The following GRIA3 variants were observed in gnomAD, a reference collection of about 807,000 sequenced individuals.
GRIA3 encodes the protein glutamate receptor 3.
GRIA3 carries 3 observed loss-of-function variants against 63.0 expected under a neutral mutation model. The observed-to-expected ratio is 0.05, with a 90% CI of 0.02 to 0.12. The LOEUF (loss-of-function observed/expected upper bound fraction) is 0.12. GRIA3 is among the 10% of genes least tolerant of loss of function. The probability of loss-of-function intolerance (pLI) is 1.00; values close to 1 mark genes in which losing one functional copy is unlikely to be tolerated. For synonymous variants in GRIA3, 274 were observed against 257.9 expected (o/e 1.06, Z -0.60); for missense variants, 347 against 700.9 (o/e 0.50, Z 5.70).
intron 3 of GRIA3, among the ~76,000 whole-genome samples, chrX:123,258,945 T>C (rs951509633): frequency 2.7e-5 from 3 of 112,494 alleles, no homozygotes; most frequent in Admixed American, 1.9e-4. Flanking sequence ...AGTGTTAGCT[T>C]GTGCTAGGCC....
intron 2 of GRIA3, among the ~76,000 whole-genome samples, chrX:123,188,769 C>T (rs1927345028): frequency 8.9e-6 from 1 of 111,963 alleles, no homozygotes; most frequent in Non-Finnish European, 1.9e-5. Context: ...ATCTTTCCTG[C>T]ACCCTCAATC....
intron 3 of GRIA3, among the ~76,000 whole-genome samples, chrX:123,268,818 G>A (rs1376375738): frequency 8.9e-6 from 1 of 111,810 alleles, no homozygotes; most frequent in Non-Finnish European, 1.9e-5. Flanking sequence ...TTTCTACCCT[G>A]TCTCAATTCT....
chrX:123,402,916 C>T, intron 7 of GRIA3, 78 bp from the exon 8 acceptor site: 1 of 555,810 alleles, frequency 1.8e-6, no homozygotes, highest in Non-Finnish European at 3.2e-6. Flanking sequence ...CAAGATCTGT[C>T]AGCAGACCTC....
At chrX:123,250,043 A>C (rs955464239) in intron 2 of GRIA3, among the ~76,000 whole-genome samples, 1 of 111,760 alleles carries the variant, frequency 8.9e-6, no homozygotes, top group Non-Finnish European at 1.9e-5. Context: ...AAATAATAAT[A>C]TATCGTTTAG....
chrX:123,187,562 T>C (rs1927313175), intron 2 of GRIA3, among the ~76,000 whole-genome samples: 1 of 112,201 alleles, frequency 8.9e-6, no homozygotes, highest in African/African-American at 3.2e-5. Context: ...AGAGGCTGAA[T>C]CTCAAATGCA....
chrX:123,236,441 AC>A (rs2044302378), intron 2 of GRIA3, among the ~76,000 whole-genome samples: 1 of 111,543 alleles, frequency 9.0e-6, no homozygotes, highest in East Asian at 2.8e-4. Flanking sequence ...GTGCACAGAA[AC>A]AAAAATCACA....
chrX:123,251,884 C>G (rs2044392526), intron 2 of GRIA3, among the ~76,000 whole-genome samples: 1 of 112,120 alleles, frequency 8.9e-6, no homozygotes, highest in Non-Finnish European at 1.9e-5. Flanking sequence ...TGGCTAATGA[C>G]TTTGGTTGAT....
intron 4 of GRIA3, among the ~76,000 whole-genome samples, chrX:123,327,264 G>A (rs929887562): frequency 8.9e-6 from 1 of 111,878 alleles, no homozygotes; most frequent in Non-Finnish European, 1.9e-5. Flanking sequence ...TTAAATTTAA[G>A]ACTAAAAAAT....
At chrX:123,414,121 G>A (rs749463502) in intron 10 of GRIA3, among the ~76,000 whole-genome samples, 1 of 112,081 alleles carries the variant, frequency 8.9e-6, no homozygotes, top group East Asian at 2.8e-4. Context: ...AAGTGGTGTT[G>A]ATATCAAGAC....
chrX:123,233,077 G>A (rs1295608267), intron 2 of GRIA3, among the ~76,000 whole-genome samples: 2 of 109,800 alleles, frequency 1.8e-5, no homozygotes, highest in Non-Finnish European at 3.8e-5. Flanking sequence ...TAAATATTTG[G>A]TGGAGTTGGA....
intron 5 of GRIA3, among the ~76,000 whole-genome samples, chrX:123,362,873 T>C (rs1443765327): frequency 1.8e-5 from 2 of 112,691 alleles, no homozygotes; most frequent in Non-Finnish European, 3.8e-5. Context: ...GGCTCGCCAT[T>C]GTAACAGCTA....
At chrX:123,280,874 T>C (rs1276482783) in intron 3 of GRIA3, among the ~76,000 whole-genome samples, 1 of 111,691 alleles carries the variant, frequency 9.0e-6, no homozygotes, top group Non-Finnish European at 1.9e-5. Flanking sequence ...TAACAATACA[T>C]TCAACTTTTC....
At chrX:123,189,430 G>T (rs1389052551) in intron 2 of GRIA3, among the ~76,000 whole-genome samples, 1 of 112,239 alleles carries the variant, frequency 8.9e-6, no homozygotes, top group African/African-American at 3.2e-5. Flanking sequence ...TTGCTGTCCT[G>T]GTTCCTCAGG....
intron 12 of GRIA3, among the ~76,000 whole-genome samples, chrX:123,449,867 C>T (rs899625590): frequency 2.7e-5 from 3 of 111,698 alleles, no homozygotes; most frequent in Non-Finnish European, 5.6e-5. Context: ...TGTGCCCAGG[C>T]CCTCACGTGC....
chrX:123,384,818 G>A (rs1436379536), intron 5 of GRIA3, among the ~76,000 whole-genome samples: 5 of 111,517 alleles, frequency 4.5e-5, no homozygotes, highest in East Asian at 2.8e-4. Context: ...GTCTGTTCGT[G>A]TCCTTTGTCA....
chrX:123,397,854 C>A (rs1252059150), intron 6 of GRIA3, among the ~76,000 whole-genome samples: 2 of 111,999 alleles, frequency 1.8e-5, no homozygotes, highest in East Asian at 2.8e-4. Flanking sequence ...TATGTTAATT[C>A]ATTTAATGAA....
chrX:123,332,459 C>G (rs2044947667), intron 4 of GRIA3, among the ~76,000 whole-genome samples: 1 of 110,860 alleles, frequency 9.0e-6, no homozygotes, highest in African/African-American at 3.3e-5. Context: ...AATATTATTT[C>G]CATTTTACAA....
chrX:123,372,809 T>C (rs1200757584), intron 5 of GRIA3, among the ~76,000 whole-genome samples: 1 of 111,557 alleles, frequency 9.0e-6, no homozygotes, highest in Admixed American at 9.6e-5. Flanking sequence ...GATCATATCA[T>C]CTACAAAGAT....
intron 10 of GRIA3, among the ~76,000 whole-genome samples, chrX:123,407,691 C>CGGGGGGGGGG (rs1214936362): frequency 2.0e-3 from 4 of 2,050 alleles, no homozygotes; most frequent in African/African-American, 3.0e-3. Flanking sequence ...GACTTGGTTG[C>CGGGGGGGGGG]GGGGGGGGGG....
Sources: allele counts gnomAD v4.1 joint callset (sites outside exome capture counted in the v4.1 genomes callset), GRCh38; gene constraint gnomAD v4.1.1; transcripts MANE v1.5; gene names NCBI Gene and HGNC (gene_info 2026-07-23, HGNC 2026-07-21).